CDH12: variants seen among roughly 807,000 people sequenced by gnomAD.
CDH12 encodes the protein cadherin 12.
In CDH12, 41 loss-of-function variants were observed where a neutral mutation model predicts 74.1. The ratio of observed to expected loss-of-function variants is 0.55; its 90% CI spans 0.43 to 0.72. CDH12 has a LOEUF of 0.72. Ranked by LOEUF, CDH12 falls within the 30% of genes least tolerant of loss-of-function variation. The pLI, the probability that CDH12 is intolerant of heterozygous loss-of-function variation, is 0.00. For missense variants in CDH12, 945 were observed against 977.2 expected (o/e 0.97, Z 0.44); for synonymous variants, 399 against 355.0 (o/e 1.12, Z -1.39).
At chr5:22,104,394 G>C (rs1194572287) in intron 4 of CDH12, among the ~76,000 whole-genome samples, 1 of 151,778 alleles carries the variant, frequency 6.6e-6, no homozygotes, top group East Asian at 1.9e-4. Context: ...TATGTATTTG[G>C]AAAGAGATAT....
At chr5:22,363,424 C>T (rs1315225226) in intron 3 of CDH12, among the ~76,000 whole-genome samples, 3 of 152,096 alleles carry the variant, frequency 2.0e-5, no homozygotes, top group African/African-American at 7.2e-5. Flanking sequence ...AAATTATATG[C>T]CAACCAGGCT....
chr5:22,272,292 C>T (rs969821739), intron 3 of CDH12, among the ~76,000 whole-genome samples: 1 of 152,162 alleles, frequency 6.6e-6, no homozygotes, highest in Admixed American at 6.5e-5. Context: ...AGCTTCCTAA[C>T]CTCTCACAGA....
Position 22,682,165 on chromosome 5 carries a change from G to T in CDH12, c.-523+170893C>A, listed in dbSNP as rs182238484. Reference sequence around the variant, plus strand: ...TGGTTTACGCAATGTGCTAGAACTTGTTCAATAGGAGAACTTAGTTCAGCT... The same window carrying T: ...TGGTTTACGCAATGTGCTAGAACTTTTTCAATAGGAGAACTTAGTTCAGCT... On this transcript the variant is annotated intron_variant, in intron 1 of 14. Coordinates refer to ENST00000382254, the MANE Select transcript of CDH12 (RefSeq NM_004061.5). Among the ~76,000 whole-genome samples, 7 of 152,154 alleles carry T rather than the reference G, an allele frequency of 4.6e-5. No homozygotes were observed. In the East Asian group the frequency reaches 1.4e-3, roughly 29 times the overall value.
chr5:22,018,624 T>C (rs1737760344), intron 5 of CDH12, among the ~76,000 whole-genome samples: 1 of 152,228 alleles, frequency 6.6e-6, no homozygotes, highest in East Asian at 1.9e-4. Flanking sequence ...AGGACCTTTG[T>C]TTATGGTTGT....
At chr5:22,071,546 T>C (rs990288450) in intron 5 of CDH12, among the ~76,000 whole-genome samples, 2 of 152,166 alleles carry the variant, frequency 1.3e-5, no homozygotes, top group Non-Finnish European at 2.9e-5. Flanking sequence ...ATGACACTAA[T>C]GCTTGCCTTT....
intron 6 of CDH12, among the ~76,000 whole-genome samples, chr5:21,913,808 C>G (rs886161401): frequency 6.6e-6 from 1 of 151,892 alleles, no homozygotes; most frequent in Non-Finnish European, 1.5e-5. Flanking sequence ...CCCAAGTAGT[C>G]CCTGTAGTGG....
At chr5:22,374,876 T>C (rs1263900953) in intron 3 of CDH12, among the ~76,000 whole-genome samples, 2 of 151,912 alleles carry the variant, frequency 1.3e-5, no homozygotes, top group African/African-American at 4.8e-5. Context: ...AAAATGATAA[T>C]CCTGCTCAAA....
chr5:22,246,821 A>AT (rs1356635917), intron 3 of CDH12, among the ~76,000 whole-genome samples: 5 of 152,106 alleles, frequency 3.3e-5, no homozygotes, highest in African/African-American at 4.8e-5. Context: ...AGTTGTTAGA[A>AT]TTTTTTTTAA....
chr5:22,274,498 A>G (rs1286173436), intron 3 of CDH12, among the ~76,000 whole-genome samples: 1 of 152,096 alleles, frequency 6.6e-6, no homozygotes, highest in Non-Finnish European at 1.5e-5. Context: ...TTGGACAATC[A>G]ATTTTTTAAA....
chr5:21,953,133 T>C (rs997679034), intron 6 of CDH12, among the ~76,000 whole-genome samples: 3 of 151,800 alleles, frequency 2.0e-5, no homozygotes, highest in Non-Finnish European at 2.9e-5. Context: ...CTATTCTCTC[T>C]GAGGGCCACC....
At position 22,414,614 on chromosome 5, in the gene CDH12, C is replaced by T. The variant is rs968933044; in HGVS notation, c.-427-9263G>A. 2.0e-5 allele frequency among the ~76,000 whole-genome samples: 3 copies of T among 151,750 alleles called. No individual in the cohort carries two copies. The South Asian group carries it at 6.2e-4, about 32-fold the overall frequency. On this transcript the variant is annotated intron_variant, in intron 2 of 14. Coordinates refer to ENST00000382254, the MANE Select transcript of CDH12 (RefSeq NM_004061.5). ...CTCATGAAAAATTTCTAATTGTTAACATTATTTCAGGTAATTTATATATTT... is the reference window on the plus strand; with the variant it reads ...CTCATGAAAAATTTCTAATTGTTAATATTATTTCAGGTAATTTATATATTT...
intron 1 of CDH12, among the ~76,000 whole-genome samples, chr5:22,684,610 A>T (rs1219002975): frequency 6.6e-6 from 1 of 152,252 alleles, no homozygotes; most frequent in East Asian, 1.9e-4. Flanking sequence ...TCAAACGCGT[A>T]GGAGAATCTA....
chr5:22,005,279 G>A (rs1458374288), intron 5 of CDH12, among the ~76,000 whole-genome samples: 2 of 152,112 alleles, frequency 1.3e-5, no homozygotes, highest in Non-Finnish European at 2.9e-5. Context: ...CTGACCTCAG[G>A]TGATCCGCCC....
intron 2 of CDH12, among the ~76,000 whole-genome samples, chr5:22,406,601 G>A (rs1247290482): frequency 6.6e-6 from 1 of 151,830 alleles, no homozygotes; most frequent in East Asian, 1.9e-4. Flanking sequence ...TTCCCTAAAG[G>A]GTAATAGATT....
At chr5:22,615,581 T>C (rs1737653361) in intron 1 of CDH12, among the ~76,000 whole-genome samples, 1 of 152,002 alleles carries the variant, frequency 6.6e-6, no homozygotes, top group Non-Finnish European at 1.5e-5. Context: ...CTTTGTAAGA[T>C]TTAAAGGGAA....
intron 4 of CDH12, among the ~76,000 whole-genome samples, chr5:22,144,639 G>A (rs1365083535): frequency 6.6e-6 from 1 of 152,002 alleles, no homozygotes; most frequent in African/African-American, 2.4e-5. Context: ...ACTAATACTG[G>A]TTCTCTACCT....
chr5:22,529,035 G>A (rs1374351061), intron 1 of CDH12, among the ~76,000 whole-genome samples: 1 of 151,052 alleles, frequency 6.6e-6, no homozygotes, highest in Non-Finnish European at 1.5e-5. Context: ...ATGCATATAT[G>A]CATATATATG....
chr5:21,803,587 C>T (rs1389489862), intron 9 of CDH12, among the ~76,000 whole-genome samples: 1 of 152,104 alleles, frequency 6.6e-6, no homozygotes, highest in African/African-American at 2.4e-5. Flanking sequence ...TACACTATTC[C>T]TGAAATATGG....
chr5:22,095,112 CCT>C (rs1370235849), intron 4 of CDH12, among the ~76,000 whole-genome samples: 4 of 152,136 alleles, frequency 2.6e-5, no homozygotes, highest in Non-Finnish European at 5.9e-5. Flanking sequence ...AGATCAATCC[CCT>C]GTCCTCCTGC....
Sources: gnomAD v4.1 joint callset for allele counts (sites outside exome capture counted in the v4.1 genomes callset) on GRCh38, gnomAD v4.1.1 for gene constraint, MANE v1.5 for transcripts, NCBI Gene and HGNC (gene_info 2026-07-23, HGNC 2026-07-21) for gene names.